The following NRG1 variants were observed in gnomAD, a reference collection of about 807,000 sequenced individuals.
NRG1 encodes the protein neuregulin 1, also known as pro-neuregulin-1, membrane-bound isoform.
Under a neutral mutation model 63.8 loss-of-function variants are expected in NRG1, and 18 were observed. The observed-to-expected ratio is 0.28, with a 90% CI of 0.19 to 0.42. The LOEUF (loss-of-function observed/expected upper bound fraction) is 0.42. NRG1 is among the 10% of genes least tolerant of loss of function. The probability of loss-of-function intolerance (pLI) is 1.00; values close to 1 mark genes in which losing one functional copy is unlikely to be tolerated. For missense variants in NRG1, 762 were observed against 814.7 expected (o/e 0.94, Z 0.79); for synonymous variants, 302 against 301.3 (o/e 1.00, Z -0.02).
At chr8:31,786,442 C>G (rs1820179081) in intron 1 of NRG1, among the ~76,000 whole-genome samples, 1 of 152,178 alleles carries the variant, frequency 6.6e-6, no homozygotes, top group Non-Finnish European at 1.5e-5. Flanking sequence ...CTGACACTAG[C>G]TGGGTGTCCT....
At chr8:32,686,615 A>G (rs1199242982) in intron 5 of NRG1, among the ~76,000 whole-genome samples, 1 of 152,214 alleles carries the variant, frequency 6.6e-6, no homozygotes, top group East Asian at 1.9e-4. Flanking sequence ...CATTTAAGAG[A>G]TATCAACAGT....
At chr8:32,478,740 C>G (rs1166432378) in intron 1 of NRG1, among the ~76,000 whole-genome samples, 1 of 152,140 alleles carries the variant, frequency 6.6e-6, no homozygotes, top group Non-Finnish European at 1.5e-5. Context: ...TTAAACCATT[C>G]AAATTGTCCT....
At chr8:31,983,218 C>T (rs1335506106) in intron 1 of NRG1, among the ~76,000 whole-genome samples, 1 of 152,018 alleles carries the variant, frequency 6.6e-6, no homozygotes, top group Non-Finnish European at 1.5e-5. Context: ...CCTAGAGAGA[C>T]ACTCATCCAA....
chr8:32,623,404 T>C (rs1588771955), intron 5 of NRG1, among the ~76,000 whole-genome samples: 2 of 152,242 alleles, frequency 1.3e-5, no homozygotes. Context: ...CATGTGAACC[T>C]CTCCTGCCAC....
intron 1 of NRG1, among the ~76,000 whole-genome samples, chr8:31,860,165 G>A (rs1828338739): frequency 1.3e-5 from 2 of 152,302 alleles, no homozygotes; most frequent in Non-Finnish European, 1.5e-5. Context: ...CAAAGCCAAA[G>A]CCATTCCTGG....
intron 1 of NRG1, among the ~76,000 whole-genome samples, chr8:32,363,411 A>T (rs1368216556): frequency 6.6e-6 from 1 of 152,114 alleles, no homozygotes; most frequent in African/African-American, 2.4e-5. Context: ...ATTTTTGTCA[A>T]CCCTGAAGGG....
chr8:31,841,365 TAA>T (rs1343793562), intron 1 of NRG1, among the ~76,000 whole-genome samples: 1 of 152,054 alleles, frequency 6.6e-6, no homozygotes, highest in Non-Finnish European at 1.5e-5. Context: ...GAGAAAATGC[TAA>T]GTCATGGGGG....
chr8:32,075,536 A>G (rs1266940545), intron 1 of NRG1, among the ~76,000 whole-genome samples: 1 of 152,220 alleles, frequency 6.6e-6, no homozygotes, highest in Non-Finnish European at 1.5e-5. Flanking sequence ...ATAAAATGGC[A>G]TAGTATCTGT....
At chr8:32,062,980 GAA>G (rs1824139173) in intron 1 of NRG1, 1 of 152,078 alleles carries the variant, frequency 6.6e-6, no homozygotes, top group Non-Finnish European at 1.5e-5. Flanking sequence ...CTACATGTGA[GAA>G]AGGTGGAAAA....
chr8:32,552,015 A>G (rs1834231145), intron 1 of NRG1, among the ~76,000 whole-genome samples: 1 of 146,776 alleles, frequency 6.8e-6, no homozygotes, highest in East Asian at 2.1e-4. Flanking sequence ...GGTTCAAGTG[A>G]TTCCCCTGCC....
rs529995187 is a variant in NRG1 at position 32,328,336 on chromosome 8, T to C, written c.38-267492T>C. ...GGCTTCATGAATCATTTGGGGAGGGTAGTATAATTCAAATTTGTTATGTAT... is the reference window on the plus strand; with the variant it reads ...GGCTTCATGAATCATTTGGGGAGGGCAGTATAATTCAAATTTGTTATGTAT... On this transcript the variant is annotated intron_variant, in intron 1 of 10. Transcript: ENST00000519301. 2.0e-5 allele frequency among the ~76,000 whole-genome samples: 3 copies of C among 152,148 alleles called. No homozygotes were observed. In the East Asian group the frequency reaches 5.8e-4, roughly 29 times the overall value.
chr8:32,132,918 A>G (rs564551726), intron 1 of NRG1, among the ~76,000 whole-genome samples: 1 of 152,198 alleles, frequency 6.6e-6, no homozygotes, highest in Non-Finnish European at 1.5e-5. Context: ...TATAAATGAG[A>G]AATAGACACT....
intron 1 of NRG1, among the ~76,000 whole-genome samples, chr8:32,306,823 A>G (rs1385174725): frequency 6.6e-6 from 1 of 152,222 alleles, no homozygotes; most frequent in Non-Finnish European, 1.5e-5. Context: ...AAATGCTACA[A>G]AAGAGGAGCC....
intron 1 of NRG1, among the ~76,000 whole-genome samples, chr8:32,079,989 T>A (rs1328115251): frequency 1.3e-5 from 2 of 152,046 alleles, no homozygotes; most frequent in South Asian, 2.1e-4. Context: ...GTAGTAGTAA[T>A]AAAATATTTA....
chr8:32,324,052 A>G (rs914863644), intron 1 of NRG1, among the ~76,000 whole-genome samples: 1 of 151,964 alleles, frequency 6.6e-6, no homozygotes, highest in African/African-American at 2.4e-5. Flanking sequence ...GGATGGGTTC[A>G]TTGCAATGTC....
intron 1 of NRG1, among the ~76,000 whole-genome samples, chr8:32,137,556 T>C (rs1321737391): frequency 1.3e-5 from 2 of 152,242 alleles, no homozygotes; most frequent in East Asian, 3.8e-4. Context: ...CACAATTGCA[T>C]GCATATGTCA....
Position 32,581,589 on chromosome 8 carries a change from CAT to C in NRG1, c.101-14238_101-14237del, listed in dbSNP as rs373344642. On this transcript the variant is annotated intron_variant, in intron 1 of 11. Transcript: ENST00000356819. Reference sequence around the variant, plus strand: ...GCCTCTGTCTCCTAAGTGAAACAAACATGTGTAAAGATAAAATACCTTATATT... The same window carrying C: ...GCCTCTGTCTCCTAAGTGAAACAAACGTGTAAAGATAAAATACCTTATATT... Among the ~76,000 whole-genome samples, 519 of 152,204 alleles carry C rather than the reference CAT, an allele frequency of 3.4e-3. 4 individuals carry two copies. Among genetic ancestry groups the C allele is most frequent in the African/African-American group, 0.012 (500 of 41,540 alleles).
intron 1 of NRG1, among the ~76,000 whole-genome samples, chr8:32,185,728 A>G (rs1171749238): frequency 3.9e-5 from 6 of 152,180 alleles, no homozygotes; most frequent in Admixed American, 3.3e-4. Context: ...ACACTTTGTC[A>G]TGCATTGACT....
At chr8:32,675,482 C>T (rs1806846939) in intron 5 of NRG1, among the ~76,000 whole-genome samples, 1 of 152,134 alleles carries the variant, frequency 6.6e-6, no homozygotes, top group South Asian at 2.1e-4. Context: ...GTACTTGTTG[C>T]TCAGATTTGA....
Sources: gnomAD v4.1 joint callset for allele counts (sites outside exome capture counted in the v4.1 genomes callset) on GRCh38, gnomAD v4.1.1 for gene constraint, MANE v1.5 for transcripts, NCBI Gene and HGNC (gene_info 2026-07-23, HGNC 2026-07-21) for gene names.